COL14A1: variants seen among roughly 807,000 people sequenced by gnomAD.
The protein encoded by COL14A1 is collagen type XIV alpha 1 chain.
COL14A1 carries 136 observed loss-of-function variants against 230.3 expected under a neutral mutation model. The ratio of observed to expected loss-of-function variants is 0.59; its 90% confidence interval spans 0.51 to 0.68. The LOEUF (loss-of-function observed/expected upper bound fraction) is 0.68. COL14A1 is among the 30% of genes least tolerant of loss of function. COL14A1 has a pLI of 0.00. For synonymous variants in COL14A1, 792 were observed against 784.1 expected (o/e 1.01, Z -0.17); for missense variants, 1,976 against 2,215.8 (o/e 0.89, Z 2.17).
chr8:120,179,895 A>G (rs888422792), intron 5 of COL14A1, among the ~76,000 whole-genome samples: 5 of 152,178 alleles, frequency 3.3e-5, no homozygotes, highest in African/African-American at 1.2e-4. Context: ...AAATAAAGCC[A>G]CACATCGACA....
chr8:120,172,500 G>C (rs1816126258), intron 5 of COL14A1, among the ~76,000 whole-genome samples: 2 of 152,070 alleles, frequency 1.3e-5, no homozygotes, highest in South Asian at 4.2e-4. Context: ...TCATGGGGCT[G>C]GTTTCTTAGG....
intron 45 of COL14A1, among the ~76,000 whole-genome samples, chr8:120,355,793 G>A (rs1224819183): frequency 6.6e-6 from 1 of 152,102 alleles, no homozygotes; most frequent in Non-Finnish European, 1.5e-5. Context: ...GAAACCATCT[G>A]ATCATCTAAC....
chr8:120,145,376 T>C (rs1815052571), intron 1 of COL14A1, among the ~76,000 whole-genome samples: 1 of 152,204 alleles, frequency 6.6e-6, no homozygotes, highest in Non-Finnish European at 1.5e-5. Context: ...CCCAGCACTT[T>C]GGGAGGCCAA....
intron 8 of COL14A1, among the ~76,000 whole-genome samples, chr8:120,203,019 T>TA (rs1345782289): frequency 3.6e-4 from 51 of 140,564 alleles, no homozygotes; most frequent in Non-Finnish European, 7.3e-4. Context: ...TATATATATA[T>TA]ATTTGTTCTA....
chr8:120,317,344 C>G (rs561616493), intron 40 of COL14A1, among the ~76,000 whole-genome samples: 20 of 151,990 alleles, frequency 1.3e-4, no homozygotes, highest in African/African-American at 4.8e-4. Context: ...TTCTACATCC[C>G]CCCCTTTTTT....
At chr8:120,181,877 G>A (rs796458255) in intron 5 of COL14A1, among the ~76,000 whole-genome samples, 86 of 152,158 alleles carry the variant, frequency 5.7e-4, no homozygotes, top group African/African-American at 2.0e-3. Flanking sequence ...GCTTGAACCC[G>A]GGAGGCGGAG....
At chr8:120,297,649 A>G in intron 35 of COL14A1, 61 bp downstream of exon 35, 2 of 1,014,442 alleles carry the variant, frequency 2.0e-6, no homozygotes, top group Non-Finnish European at 2.7e-6. Context: ...TCTGGAAATG[A>G]GAAGCTATTT....
At chr8:120,296,670 G>C (rs1820539721) in intron 34 of COL14A1, among the ~76,000 whole-genome samples, 1 of 151,928 alleles carries the variant, frequency 6.6e-6, no homozygotes, top group Non-Finnish European at 1.5e-5. Context: ...TAGTAAAAAT[G>C]ATTGGGTCAT....
At chr8:120,179,222 T>A (rs1816384658) in intron 5 of COL14A1, among the ~76,000 whole-genome samples, 2 of 152,216 alleles carry the variant, frequency 1.3e-5, no homozygotes, top group Admixed American at 6.5e-5. Flanking sequence ...TAAAGGGTAT[T>A]CAACTAGGAA....
At chr8:120,194,073 T>C (rs1816940694) in intron 5 of COL14A1, among the ~76,000 whole-genome samples, 1 of 152,204 alleles carries the variant, frequency 6.6e-6, no homozygotes. Flanking sequence ...GTGCCCACTG[T>C]CCGGCACTCC....
At chr8:120,345,639 T>A in intron 45 of COL14A1, 76 bp downstream of exon 45, 1 of 1,230,260 alleles carries the variant, frequency 8.1e-7, no homozygotes, top group Non-Finnish European at 1.1e-6. Context: ...GTGGTTCTTA[T>A]ACAAGGATAA....
At chr8:120,194,328 G>C (rs1409797284) in intron 5 of COL14A1, among the ~76,000 whole-genome samples, 1 of 152,070 alleles carries the variant, frequency 6.6e-6, no homozygotes, top group African/African-American at 2.4e-5. Flanking sequence ...ATGCCAGATA[G>C]GATTATTTCC....
chr8:120,315,159 C>T (rs988221994), intron 38 of COL14A1, among the ~76,000 whole-genome samples: 8 of 152,046 alleles, frequency 5.3e-5, no homozygotes, highest in African/African-American at 1.9e-4. Context: ...CACCTGAAGT[C>T]AGGAGCTTGA....
chr8:120,126,657 T>C (rs1281599836), intron 1 of COL14A1, among the ~76,000 whole-genome samples: 1 of 152,164 alleles, frequency 6.6e-6, no homozygotes. Flanking sequence ...TTTATAATAC[T>C]TGCAGTAGGT....
chr8:120,367,252 A>C lies in COL14A1; in HGVS notation c.5155+4A>C, dbSNP rs763341734. 1 of 1,603,842 alleles carries C rather than the reference A, an allele frequency of 6.2e-7. No homozygotes were observed. ...AGAGGCCCCCCTGGACCAGCAGGTA[A>C]ATCTTCCTTCCTAACAAGAGACTGC... On this transcript the variant is annotated splice_donor_region_variant and intron_variant, in intron 46 of 47. Transcript: ENST00000297848.
At chr8:120,202,737 A>G (rs7018223) in intron 8 of COL14A1, among the ~76,000 whole-genome samples, 42,780 of 151,550 alleles carry the variant, frequency 0.28, 6,352 homozygotes, top group African/African-American at 0.37. Context: ...TTGGGGGCAC[A>G]GTGATCACAC....
chr8:120,210,038 A>G, intron 12 of COL14A1, 137 bp downstream of exon 12: 1 of 599,962 alleles, frequency 1.7e-6, no homozygotes, highest in Non-Finnish European at 2.4e-6. Flanking sequence ...TTATAATCCC[A>G]CCACTGAGAG....
At chr8:120,138,623 C>T (rs574479139) in intron 1 of COL14A1, among the ~76,000 whole-genome samples, 4 of 152,230 alleles carry the variant, frequency 2.6e-5, no homozygotes, top group South Asian at 4.1e-4. Flanking sequence ...GAGTTTTTTC[C>T]TCCTATGTCA....
chr8:120,219,693 T>C (rs1023810888), intron 14 of COL14A1, among the ~76,000 whole-genome samples: 4 of 152,196 alleles, frequency 2.6e-5, no homozygotes, highest in Admixed American at 6.5e-5. Flanking sequence ...TTCCAGACCA[T>C]AGCAACTGCT....
Sources: allele counts gnomAD v4.1 joint callset (sites outside exome capture counted in the v4.1 genomes callset), GRCh38; gene constraint gnomAD v4.1.1; transcripts MANE v1.5; gene names NCBI Gene and HGNC (gene_info 2026-07-23, HGNC 2026-07-21).